TAFA4: variants seen among roughly 807,000 people sequenced by gnomAD.
TAFA4 encodes the protein chemokine-like protein TAFA-4.
TAFA4 carries 20 observed loss-of-function variants against 21.1 expected under a neutral mutation model. The observed-to-expected ratio is 0.95, with a 90% CI of 0.67 to 1.38. The LOEUF is 1.38. Among genes scored for constraint, TAFA4 ranks in the 40% most tolerant of loss-of-function variants. TAFA4 has a pLI of 0.00. For synonymous variants in TAFA4, 71 were observed against 67.4 expected (o/e 1.05, Z -0.26); for missense variants, 211 against 180.9 (o/e 1.17, Z -0.95).
chr3:68,751,208 C>T (rs1702552327), intron 4 of TAFA4, among the ~76,000 whole-genome samples: 1 of 152,148 alleles, frequency 6.6e-6, no homozygotes, highest in South Asian at 2.1e-4. Flanking sequence ...ACAGATCTTG[C>T]AGGGCTCGGC....
At chr3:68,739,244 T>G (rs1290592940) in intron 4 of TAFA4, 45 bp from the exon 5 acceptor site, 3 of 1,607,512 alleles carry the variant, frequency 1.9e-6, no homozygotes, top group African/African-American at 2.7e-5. Context: ...TGTTTCTTCC[T>G]CCAAAGATGG....
intron 1 of TAFA4, among the ~76,000 whole-genome samples, chr3:68,895,626 G>A (rs368566614): frequency 2.4e-4 from 36 of 152,252 alleles, no homozygotes; most frequent in South Asian, 1.9e-3. Context: ...AACTTAGACA[G>A]AAGAGCTAGC....
intron 3 of TAFA4, among the ~76,000 whole-genome samples, chr3:68,783,713 A>AAAAAAAAGAAAG (rs1703194628): frequency 2.5e-5 from 2 of 80,756 alleles, no homozygotes; most frequent in Non-Finnish European, 4.7e-5. Flanking sequence ...GAGAGAAAGA[A>AAAAAAAAGAAAG]AAAGAAAGAA....
chr3:68,816,663 C>T (rs1176417157), intron 3 of TAFA4, among the ~76,000 whole-genome samples: 1 of 152,108 alleles, frequency 6.6e-6, no homozygotes, highest in Non-Finnish European at 1.5e-5. Flanking sequence ...CATTTAACTT[C>T]TTCCTTTCTG....
At chr3:68,734,719 T>C (rs747978025) in intron 5 of TAFA4, among the ~76,000 whole-genome samples, 1 of 151,994 alleles carries the variant, frequency 6.6e-6, no homozygotes, top group Admixed American at 6.6e-5. Flanking sequence ...ATCTGCAAAA[T>C]AGAGATAATA....
At chr3:68,848,680 G>C (rs1219435574) in intron 3 of TAFA4, among the ~76,000 whole-genome samples, 1 of 152,062 alleles carries the variant, frequency 6.6e-6, no homozygotes, top group African/African-American at 2.4e-5. Context: ...CCCACATCCA[G>C]TACCAGTGGC....
intron 3 of TAFA4, among the ~76,000 whole-genome samples, chr3:68,783,669 C>CAGAGAGAGAGAG (rs1413204711): frequency 6.6e-5 from 7 of 106,568 alleles, no homozygotes; most frequent in African/African-American, 1.9e-4. Flanking sequence ...CAGACACACA[C>CAGAGAGAGAGAG]ACACAGAGAG....
At chr3:68,735,131 C>T (rs571076984) in intron 5 of TAFA4, among the ~76,000 whole-genome samples, 5 of 151,676 alleles carry the variant, frequency 3.3e-5, no homozygotes, top group African/African-American at 1.2e-4. Context: ...TCAGGGAAGA[C>T]AAAACTTGAG....
chr3:68,812,650 T>C lies in TAFA4; in HGVS notation c.131-59632A>G, dbSNP rs1012066651. Among the ~76,000 whole-genome samples the C allele has an allele frequency of 5.9e-5, 9 of 152,174 alleles. No individual in the cohort carries two copies. The East Asian group carries it at 1.4e-3, about 23-fold the overall frequency. On this transcript the variant is annotated intron_variant, in intron 3 of 5. Coordinates refer to ENST00000295569, the MANE Select transcript of TAFA4 (RefSeq NM_182522.5). The stretch of plus-strand genomic sequence containing the variant: ...CTATCCTAAATATATATGCACCCAA[T>C]ACAGGAGCACCCAGATTCATAAAGC...
At chr3:68,931,322 G>C (rs1219695215) in intron 1 of TAFA4, among the ~76,000 whole-genome samples, 1 of 152,146 alleles carries the variant, frequency 6.6e-6, no homozygotes, top group Non-Finnish European at 1.5e-5. Flanking sequence ...GCTAGGTCTC[G>C]GCGAGTCCGT....
chr3:68,858,384 C>A (rs569209149), intron 3 of TAFA4, among the ~76,000 whole-genome samples: 3 of 151,258 alleles, frequency 2.0e-5, no homozygotes, highest in African/African-American at 7.4e-5. Flanking sequence ...ACACCGTTAA[C>A]GCAGTGTACC....
chr3:68,777,393 A>G (rs1703067147), intron 3 of TAFA4, among the ~76,000 whole-genome samples: 1 of 152,146 alleles, frequency 6.6e-6, no homozygotes, highest in Non-Finnish European at 1.5e-5. Flanking sequence ...ATACTGTCCA[A>G]TATGGTAGCC....
At chr3:68,850,826 G>A (rs535312714) in intron 3 of TAFA4, among the ~76,000 whole-genome samples, 2 of 151,966 alleles carry the variant, frequency 1.3e-5, no homozygotes, top group East Asian at 1.9e-4. Flanking sequence ...CTCTCACTCT[G>A]TAGGTTGCCT....
At position 68,823,720 on chromosome 3, in the gene TAFA4, G is replaced by A. The variant is rs996826627; in HGVS notation, c.130+57010C>T. 4.6e-5 allele frequency among the ~76,000 whole-genome samples: 7 copies of A among 152,132 alleles called. No homozygotes were observed. The East Asian group carries it at 1.2e-3, about 25-fold the overall frequency. ...ATGCAGTGTTTGGTTTTCTGTTCCT[G>A]TGTTAGTTTGCTGAGGATAATGGCT... On this transcript the variant is annotated intron_variant, in intron 3 of 5. Coordinates refer to ENST00000295569, the MANE Select transcript of TAFA4 (RefSeq NM_182522.5).
At chr3:68,929,031 T>C (rs971587799) in intron 1 of TAFA4, among the ~76,000 whole-genome samples, 2 of 150,810 alleles carry the variant, frequency 1.3e-5, no homozygotes, top group African/African-American at 4.9e-5. Context: ...GGGAAATGAA[T>C]TGAATAGCAA....
intron 3 of TAFA4, among the ~76,000 whole-genome samples, chr3:68,839,399 T>A (rs916709765): frequency 1.3e-5 from 2 of 151,906 alleles, no homozygotes; most frequent in African/African-American, 4.9e-5. Flanking sequence ...TTGAGCACAT[T>A]AGAAATAATG....
At chr3:68,752,271 G>T (rs1470721887) in intron 4 of TAFA4, among the ~76,000 whole-genome samples, 1 of 152,046 alleles carries the variant, frequency 6.6e-6, no homozygotes, top group East Asian at 1.9e-4. Flanking sequence ...GAAGCCAGGG[G>T]TATCAAAAGA....
intron 3 of TAFA4, among the ~76,000 whole-genome samples, chr3:68,869,499 G>C (rs1319189155): frequency 1.3e-5 from 2 of 151,940 alleles, no homozygotes; most frequent in African/African-American, 2.4e-5. Flanking sequence ...ACAATAAAAA[G>C]ATCATTCACC....
chr3:68,889,579 A>T (rs552013730), intron 1 of TAFA4, among the ~76,000 whole-genome samples: 1 of 152,282 alleles, frequency 6.6e-6, no homozygotes, highest in East Asian at 1.9e-4. Flanking sequence ...TCCACATATG[A>T]ATCTGCAGGG....
Sources: gnomAD v4.1 joint callset for allele counts (sites outside exome capture counted in the v4.1 genomes callset) on GRCh38, gnomAD v4.1.1 for gene constraint, MANE v1.5 for transcripts, NCBI Gene and HGNC (gene_info 2026-07-23, HGNC 2026-07-21) for gene names.